KLHL7: variants seen among roughly 807,000 people sequenced by gnomAD.
The protein encoded by KLHL7 is kelch like family member 7, also known as kelch-like protein 7.
In KLHL7, 44 loss-of-function variants were observed where a neutral mutation model predicts 67.4. That is an observed-to-expected ratio of 0.65 (90% CI 0.51 to 0.84). The LOEUF is 0.84. KLHL7 is among the 40% of genes least tolerant of loss of function. The pLI is 0.00. For synonymous variants in KLHL7, 252 were observed against 243.3 expected (o/e 1.04, Z -0.33); for missense variants, 362 against 718.1 (o/e 0.50, Z 5.67).
chr7:23,129,339 A>G (rs1783707506), intron 4 of KLHL7: 1 of 350,454 alleles, frequency 2.9e-6, no homozygotes, highest in Non-Finnish European at 5.7e-6. Context: ...ATAAATTGGT[A>G]TGTTAGCCAA....
At chr7:23,112,697 A>G (rs867963203) in intron 1 of KLHL7, among the ~76,000 whole-genome samples, 1 of 152,354 alleles carries the variant, frequency 6.6e-6, no homozygotes, top group Middle Eastern at 3.4e-3. Context: ...TTATAGTAGG[A>G]CATAGCAACA....
chr7:23,132,818 A>T (rs1783849064), intron 4 of KLHL7, among the ~76,000 whole-genome samples: 2 of 152,278 alleles, frequency 1.3e-5, no homozygotes, highest in East Asian at 3.9e-4. Context: ...TTGAGTTTTC[A>T]TATGATGAGA....
intron 4 of KLHL7, among the ~76,000 whole-genome samples, chr7:23,130,047 C>A (rs958360178): frequency 6.6e-6 from 1 of 152,104 alleles, no homozygotes; most frequent in African/African-American, 2.4e-5. Flanking sequence ...GGTACTGATT[C>A]ATCTTTTGAA....
intron 4 of KLHL7, among the ~76,000 whole-genome samples, chr7:23,140,014 G>A (rs1784122147): frequency 6.6e-6 from 1 of 151,516 alleles, no homozygotes; most frequent in Non-Finnish European, 1.5e-5. Flanking sequence ...GTACTTTGCA[G>A]ACTCCTGACA....
Position 23,174,222 on chromosome 7 carries a change from G to A in KLHL7, c.1685G>A (p.Arg562His), listed in dbSNP as rs778987934. The change falls in exon 11 of 11, where the codon CGT (arginine) becomes CAT (histidine). Residue 562 changes from arginine (R) to histidine (H), a missense_variant. Around this residue, in one of 5 missense-constraint regions of KLHL7, gnomAD observed 136 missense variants for 252.7 expected, o/e 0.54. Coordinates refer to ENST00000339077, the MANE Select transcript of KLHL7 (RefSeq NM_001031710.3). The stretch of plus-strand genomic sequence containing the variant: ...AAATGGGTTGCCAACTCCAAAGTTC[G>A]TGCTTTTCCAGTCACAAGTTGTTTA... ...TDKWVANSKVRAFPVTSCLIC... is the reference protein window; with the variant it reads ...TDKWVANSKVHAFPVTSCLIC... 1.2e-6 allele frequency: 2 copies of A among 1,614,108 alleles called. No individual in the cohort carries two copies. The highest frequency in any genetic ancestry group is 1.1e-5 in the South Asian group (1 of 91,080).
intron 3 of KLHL7, 119 bp from the exon 4 acceptor site, chr7:23,124,929 T>A: frequency 8.8e-7 from 1 of 1,135,874 alleles, no homozygotes; most frequent in Non-Finnish European, 1.3e-6. Context: ...CCATACTAAT[T>A]CAAGGACTGA....
intron 6 of KLHL7, among the ~76,000 whole-genome samples, chr7:23,150,371 A>G (rs1370107231): frequency 6.6e-6 from 1 of 152,112 alleles, no homozygotes; most frequent in Admixed American, 6.6e-5. Context: ...TCATTTACTT[A>G]TATATCCATG....
At chr7:23,149,449 A>C (rs1784464485) in intron 6 of KLHL7, among the ~76,000 whole-genome samples, 1 of 152,072 alleles carries the variant, frequency 6.6e-6, no homozygotes, top group Non-Finnish European at 1.5e-5. Flanking sequence ...CCTTTCTCTT[A>C]CTGGGAATAT....
chr7:23,155,133 A>G (rs1339050296), intron 7 of KLHL7, among the ~76,000 whole-genome samples: 8 of 152,148 alleles, frequency 5.3e-5, no homozygotes, highest in African/African-American at 1.9e-4. Context: ...CATCTCCAGA[A>G]TATAGGCTGA....
chr7:23,111,997 A>T (rs1424636694), intron 1 of KLHL7, among the ~76,000 whole-genome samples: 1 of 152,176 alleles, frequency 6.6e-6, no homozygotes, highest in Non-Finnish European at 1.5e-5. Flanking sequence ...ATGAAGAAAA[A>T]GTGATAGATT....
intron 6 of KLHL7, among the ~76,000 whole-genome samples, chr7:23,145,709 A>T (rs1784334439): frequency 6.6e-6 from 1 of 152,162 alleles, no homozygotes; most frequent in Non-Finnish European, 1.5e-5. Context: ...TGCTATGCAG[A>T]CTTTCACTTA....
At chr7:23,116,349 C>T (rs1231870159) in intron 1 of KLHL7, among the ~76,000 whole-genome samples, 1 of 152,216 alleles carries the variant, frequency 6.6e-6, no homozygotes, top group Non-Finnish European at 1.5e-5. Context: ...TGCTTTTCCT[C>T]AGTATTTGAA....
chr7:23,120,231 A>G (rs1331201384), intron 1 of KLHL7, among the ~76,000 whole-genome samples: 1 of 152,054 alleles, frequency 6.6e-6, no homozygotes, highest in Non-Finnish European at 1.5e-5. Context: ...GCTGACCTTG[A>G]ACTCCTGAGA....
At position 23,175,140 on chromosome 7, in the gene KLHL7, G is replaced by T; in HGVS notation, c.*842G>T. ...AAGCACTGGTAGTTGTACAATATCA[G>T]TGTTGACTTTGAACTTCTTTAACGA... On this transcript the variant is annotated 3_prime_UTR_variant, in exon 11 of 11. Transcript: ENST00000339077. 2.2e-6 allele frequency: 1 copy of T among 454,046 alleles called. No individual in the cohort carries two copies. The highest frequency in any genetic ancestry group is 4.4e-6 in the Non-Finnish European group (1 of 226,762). 28.1% of individuals were successfully genotyped at this position (454,046 alleles called of 1,614,324 possible). A position where few individuals can be genotyped will look rare whatever the true frequency, so the allele number is the denominator to read the frequency against.
At chr7:23,116,494 A>G (rs1249552701) in intron 1 of KLHL7, among the ~76,000 whole-genome samples, 1 of 152,214 alleles carries the variant, frequency 6.6e-6, no homozygotes, top group Non-Finnish European at 1.5e-5. Flanking sequence ...GCCTCAGCTG[A>G]CTTGTTAACC....
chr7:23,142,705 C>A (rs1001181709), intron 5 of KLHL7, among the ~76,000 whole-genome samples: 1 of 151,648 alleles, frequency 6.6e-6, no homozygotes, highest in East Asian at 1.9e-4. Context: ...TCAGATAAAC[C>A]CATATTGAAG....
chr7:23,152,869 A>G (rs1313612012), intron 7 of KLHL7, among the ~76,000 whole-genome samples: 1 of 152,084 alleles, frequency 6.6e-6, no homozygotes, highest in Non-Finnish European at 1.5e-5. Context: ...AGAATACCAT[A>G]TTTTTCTGGT....
chr7:23,124,560 G>A (rs1218713968), intron 2 of KLHL7, 128 bp from the exon 3 acceptor site: 3 of 712,012 alleles, frequency 4.2e-6, no homozygotes, highest in Non-Finnish European at 7.8e-6. Flanking sequence ...GGCTTGCTGG[G>A]GCATTTTCTT....
chr7:23,146,534 T>C (rs899548588), intron 6 of KLHL7, among the ~76,000 whole-genome samples: 3 of 152,234 alleles, frequency 2.0e-5, no homozygotes, highest in African/African-American at 4.8e-5. Context: ...TATTGTTAAG[T>C]CTGAACTAGT....
Sources: allele counts gnomAD v4.1 joint callset (sites outside exome capture counted in the v4.1 genomes callset), GRCh38; gene constraint gnomAD v4.1.1; regional missense constraint gnomAD v4.1.1; transcripts MANE v1.5; gene names NCBI Gene and HGNC (gene_info 2026-07-23, HGNC 2026-07-21).